The following PGPEP1L variants were observed in gnomAD, a reference collection of about 807,000 sequenced individuals.
PGPEP1L encodes pyroglutamyl-peptidase I like, also known as pyroglutamyl-peptidase 1-like protein.
A neutral mutation model predicts 6.0 loss-of-function variants in PGPEP1L; 7 were observed. The observed-to-expected ratio is 1.17, with a 90% CI of 0.66 to 2.19. The LOEUF is 2.19. PGPEP1L is among the 30% of genes most tolerant of loss of function. PGPEP1L has a pLI of 0.00. For missense variants in PGPEP1L, 209 were observed against 192.5 expected, an observed-to-expected ratio of 1.09 and a Z score of -0.51; for synonymous variants, 103 against 83.9, an observed-to-expected ratio of 1.23 and a Z score of -1.24.
In PGPEP1L at chr15:98,968,279, A is replaced by AT; in HGVS notation, c.*198dup. 1 of 601,428 alleles carries AT rather than the reference A, an allele frequency of 1.7e-6. No individual in the cohort carries two copies. Among genetic ancestry groups the AT allele is most frequent in the Non-Finnish European group, 2.9e-6 (1 of 340,840 alleles). 37.3% of individuals were successfully genotyped at this position (601,428 alleles called of 1,614,324 possible). On this transcript the variant is annotated 3_prime_UTR_variant, in exon 5 of 5. Coordinates refer to ENST00000535714, the MANE Select transcript of PGPEP1L (RefSeq NM_001167902.2). ...TGAAAACCATAACTGAAGCTAGTTCATCCCCTGTGAAATGTCCACCTTTCA... is the reference window on the plus strand; with the variant it reads ...TGAAAACCATAACTGAAGCTAGTTCATTCCCCTGTGAAATGTCCACCTTTCA...
intron 2 of PGPEP1L, among the ~76,000 whole-genome samples, chr15:99,003,432 T>C (rs2018003521): frequency 6.6e-6 from 1 of 150,746 alleles, no homozygotes; most frequent in African/African-American, 2.5e-5. Context: ...CAGCCCCCAG[T>C]GCAACTTGCA....
chr15:98,984,934 G>A (rs2017725311), intron 2 of PGPEP1L, among the ~76,000 whole-genome samples: 1 of 152,160 alleles, frequency 6.6e-6, no homozygotes, highest in Non-Finnish European at 1.5e-5. Context: ...ACGTGGGCCT[G>A]CCAGCCTAGG....
At chr15:99,001,199 C>T (rs1555472971) in intron 2 of PGPEP1L, 2 of 428,512 alleles carry the variant, frequency 4.7e-6, no homozygotes, top group South Asian at 1.6e-5. Context: ...CGAGAGTCCG[C>T]GGCTTCATTC....
At chr15:98,992,770 C>T (rs542411014) in intron 2 of PGPEP1L, among the ~76,000 whole-genome samples, 68 of 152,204 alleles carry the variant, frequency 4.5e-4, no homozygotes, top group Non-Finnish European at 9.4e-4. Flanking sequence ...TGGAACAGAA[C>T]GGAGGCCTCA....
intron 1 of PGPEP1L, among the ~76,000 whole-genome samples, chr15:99,006,758 T>A (rs2151769377): frequency 6.6e-6 from 1 of 152,208 alleles, no homozygotes; most frequent in East Asian, 1.9e-4. Flanking sequence ...TAACTGCACC[T>A]CTGCACTCCA....
At position 98,984,480 on chromosome 15, in the gene PGPEP1L, G is replaced by C. The variant is rs574756063; in HGVS notation, c.-141-13322C>G. 5.8e-4 allele frequency among the ~76,000 whole-genome samples: 89 copies of C among 152,278 alleles called. 1 individual carries two copies. The South Asian group carries it at 0.018, about 31-fold the overall frequency. On this transcript the variant is annotated intron_variant, in intron 2 of 4. Coordinates refer to ENST00000535714, the MANE Select transcript of PGPEP1L (RefSeq NM_001167902.2). ...GGGATATGTTACACAGGACCCTAGAGACAGTGAGACGCTTGTATTGACTCA... is the reference window on the plus strand; with the variant it reads ...GGGATATGTTACACAGGACCCTAGACACAGTGAGACGCTTGTATTGACTCA...
chr15:98,977,124 ATTTT>A (rs918109305), intron 2 of PGPEP1L, among the ~76,000 whole-genome samples: 1 of 151,182 alleles, frequency 6.6e-6, no homozygotes, highest in Admixed American at 6.6e-5. Context: ...ATGGTCTTTT[ATTTT>A]TTTTCTTGAT....
chr15:99,003,307 T>C (rs2018001829), intron 2 of PGPEP1L, among the ~76,000 whole-genome samples: 1 of 151,564 alleles, frequency 6.6e-6, no homozygotes, highest in Admixed American at 6.6e-5. Flanking sequence ...TTTAGAATCA[T>C]ATTTGTATCA....
intron 2 of PGPEP1L, among the ~76,000 whole-genome samples, chr15:98,998,753 G>C (rs2017920478): frequency 6.6e-6 from 1 of 152,208 alleles, no homozygotes; most frequent in Non-Finnish European, 1.5e-5. Flanking sequence ...CAAGGTGGGT[G>C]GATCACCTGA....
intron 3 of PGPEP1L, 81 bp downstream of exon 3, chr15:98,970,955 C>T: frequency 6.3e-7 from 1 of 1,580,122 alleles, no homozygotes. Context: ...ACCATCAACC[C>T]TAGAACCAGG....
chr15:98,975,539 T>C (rs2017555935), intron 2 of PGPEP1L, among the ~76,000 whole-genome samples: 1 of 152,170 alleles, frequency 6.6e-6, no homozygotes, highest in Non-Finnish European at 1.5e-5. Flanking sequence ...GATTTAATCA[T>C]CAAATGTTGT....
In PGPEP1L at chr15:99,000,059, G is replaced by C. The variant is rs377662200; in HGVS notation, c.-142+5370C>G. 3.3e-4 allele frequency among the ~76,000 whole-genome samples: 50 copies of C among 152,352 alleles called. No homozygotes were observed. In the East Asian group the frequency reaches 8.5e-3, roughly 26 times the overall value. ...CAGGGAGGCGTGGAGGGAGAGGCGCGGGCGGGAACCGGGGCTGCGTGCAGT... is the reference window on the plus strand; with the variant it reads ...CAGGGAGGCGTGGAGGGAGAGGCGCCGGCGGGAACCGGGGCTGCGTGCAGT... On this transcript the variant is annotated intron_variant, in intron 2 of 4. Coordinates refer to ENST00000535714, the MANE Select transcript of PGPEP1L (RefSeq NM_001167902.2).
At chr15:99,006,944 G>A (rs2018077787) in intron 1 of PGPEP1L, among the ~76,000 whole-genome samples, 1 of 152,202 alleles carries the variant, frequency 6.6e-6, no homozygotes, top group Non-Finnish European at 1.5e-5. Context: ...AGCCTCTCAA[G>A]CACCCTGCGG....
At chr15:98,970,862 A>C (rs981357072) in intron 3 of PGPEP1L, among the ~76,000 whole-genome samples, 174 bp downstream of exon 3, 12 of 152,154 alleles carry the variant, frequency 7.9e-5, no homozygotes, top group African/African-American at 2.7e-4. Flanking sequence ...TTTGGCTTAA[A>C]CTTTTACAAA....
chr15:98,999,063 A>G (rs1461613774), intron 2 of PGPEP1L, among the ~76,000 whole-genome samples: 1 of 152,234 alleles, frequency 6.6e-6, no homozygotes, highest in African/African-American at 2.4e-5. Context: ...TTTGAAACCA[A>G]AAGCAGGCTG....
intron 2 of PGPEP1L, among the ~76,000 whole-genome samples, chr15:98,996,524 A>ATG (rs58220323): frequency 2.1e-4 from 32 of 151,682 alleles, no homozygotes; most frequent in East Asian, 1.2e-3. Context: ...ATATAGGGGT[A>ATG]TGTGTGTGTG....
chr15:98,975,446 A>T (rs905995317), intron 2 of PGPEP1L, among the ~76,000 whole-genome samples: 1 of 152,244 alleles, frequency 6.6e-6, no homozygotes, highest in Non-Finnish European at 1.5e-5. Flanking sequence ...TTTATTGTAC[A>T]TTTCAAAATA....
At chr15:99,006,806 T>A (rs782770777) in intron 1 of PGPEP1L, among the ~76,000 whole-genome samples, 68 of 150,606 alleles carry the variant, frequency 4.5e-4, no homozygotes, top group South Asian at 8.5e-4. Context: ...TCTAAAAATA[T>A]TCTTAAACTT....
At chr15:98,969,303 C>T (rs1458321841) in intron 4 of PGPEP1L, 122 bp downstream of exon 4, 21 of 1,221,234 alleles carry the variant, frequency 1.7e-5, no homozygotes, top group East Asian at 7.1e-5. Context: ...AATCTGGGGG[C>T]GGCACCGCAT....
Sources: gnomAD v4.1 joint callset for allele counts (sites outside exome capture counted in the v4.1 genomes callset) on GRCh38, gnomAD v4.1.1 for gene constraint, MANE v1.5 for transcripts, NCBI Gene and HGNC (gene_info 2026-07-23, HGNC 2026-07-21) for gene names.